Variants in GLIS3 observed in about 807,000 individuals in gnomAD.
GLIS3 encodes zinc finger protein GLIS3.
In GLIS3, 53 loss-of-function variants were observed where a neutral mutation model predicts 78.6. That is an observed-to-expected ratio of 0.67 (90% CI 0.54 to 0.85). The LOEUF (loss-of-function observed/expected upper bound fraction) is 0.85, where lower values mean the gene tolerates loss of function less well. GLIS3 is among the 40% of genes least tolerant of loss of function. The probability of loss-of-function intolerance (pLI) is 0.00; values close to 1 mark genes in which losing one functional copy is unlikely to be tolerated. For missense variants in GLIS3, 1,703 were observed against 1,231.1 expected (o/e 1.38, Z -5.74); for synonymous variants, 684 against 509.9 (o/e 1.34, Z -4.60).
chr9:4,192,994 T>C (rs1329752542), intron 2 of GLIS3, among the ~76,000 whole-genome samples: 1 of 152,228 alleles, frequency 6.6e-6, no homozygotes, highest in Non-Finnish European at 1.5e-5. Flanking sequence ...CAAGCTATGA[T>C]GCTGGACCTG....
chr9:3,998,070 A>G (rs893903343), intron 4 of GLIS3, among the ~76,000 whole-genome samples: 5 of 152,258 alleles, frequency 3.3e-5, no homozygotes, highest in East Asian at 3.9e-4. Flanking sequence ...ATTGCCTTAC[A>G]TGACTGTGGA....
At chr9:4,045,413 G>T (rs1205209734) in intron 4 of GLIS3, among the ~76,000 whole-genome samples, 1 of 151,932 alleles carries the variant, frequency 6.6e-6, no homozygotes, top group Non-Finnish European at 1.5e-5. Flanking sequence ...TCGGCTCACT[G>T]CATCCTCCAC....
At chr9:4,433,170 G>A in the GLIS3 span, among the ~76,000 whole-genome samples, 195 of 152,286 alleles carry the variant, frequency 1.3e-3, no homozygotes, top group African/African-American at 4.3e-3. Context: ...TATGGCCCAC[G>A]CCTGTAATCC....
chr9:4,209,037 T>C (rs1479916191), intron 2 of GLIS3, among the ~76,000 whole-genome samples: 3 of 152,222 alleles, frequency 2.0e-5, no homozygotes, highest in Non-Finnish European at 4.4e-5. Flanking sequence ...ATGCTACTGC[T>C]CATGCCAGGT....
At chr9:4,045,253 C>A (rs1003262775) in intron 4 of GLIS3, among the ~76,000 whole-genome samples, 1 of 152,124 alleles carries the variant, frequency 6.6e-6, no homozygotes, top group African/African-American at 2.4e-5. Context: ...ATGAAGGAAA[C>A]TGATGTACAC....
the GLIS3 span, among the ~76,000 whole-genome samples, chr9:4,454,810 G>T: frequency 6.6e-6 from 1 of 152,104 alleles, no homozygotes; most frequent in African/African-American, 2.4e-5. Flanking sequence ...TATAGTTGGA[G>T]GTGATACATT....
At chr9:4,143,821 G>C (rs10117493) in intron 2 of GLIS3, among the ~76,000 whole-genome samples, 5 of 152,042 alleles carry the variant, frequency 3.3e-5, no homozygotes, top group Admixed American at 6.5e-5. Context: ...AGATCAGCCA[G>C]TATTTGTCTT....
At chr9:3,856,478 T>C (rs901697544) in intron 8 of GLIS3, among the ~76,000 whole-genome samples, 30 of 152,196 alleles carry the variant, frequency 2.0e-4, no homozygotes, top group Admixed American at 6.5e-5. Context: ...TACACTATGT[T>C]TGGTGAAATT....
chr9:4,084,594 G>A (rs1196201679), intron 4 of GLIS3, among the ~76,000 whole-genome samples: 2 of 152,094 alleles, frequency 1.3e-5, no homozygotes, highest in Non-Finnish European at 2.9e-5. Flanking sequence ...AAAAAAGGCT[G>A]AGCAGCCGAA....
intron 2 of GLIS3, among the ~76,000 whole-genome samples, chr9:4,175,779 T>G (rs1241975919): frequency 6.6e-6 from 1 of 152,240 alleles, no homozygotes; most frequent in African/African-American, 2.4e-5. Flanking sequence ...TGAATACTCC[T>G]TTTACATCAA....
At chr9:4,459,108 T>C in the GLIS3 span, among the ~76,000 whole-genome samples, 1 of 152,100 alleles carries the variant, frequency 6.6e-6, no homozygotes, top group Non-Finnish European at 1.5e-5. Flanking sequence ...CTGGCTGCCA[T>C]GTGTAGGGGG....
At chr9:4,378,450 C>A in the GLIS3 span, among the ~76,000 whole-genome samples, 2 of 151,996 alleles carry the variant, frequency 1.3e-5, no homozygotes, top group African/African-American at 4.8e-5. Context: ...CCCTCTCAGT[C>A]CAGCTTTTCC....
Position 3,946,040 on chromosome 9 carries a change from C to T in GLIS3, c.1711-8851G>A, listed in dbSNP as rs34657637. ...CCTCTCACCTTTGCATATACTACTT[C>T]CTGTGCCTGGTAACATCCTACTGAC... On this transcript the variant is annotated intron_variant, in intron 4 of 10. Coordinates refer to ENST00000381971, the MANE Select transcript of GLIS3 (RefSeq NM_001042413.2). 2.4e-3 allele frequency among the ~76,000 whole-genome samples: 368 copies of T among 152,316 alleles called. 3 individuals are homozygous for T. The highest frequency in any genetic ancestry group is 4.4e-3 in the Non-Finnish European group (300 of 68,034).
chr9:4,148,037 G>C (rs1249582538), intron 2 of GLIS3, among the ~76,000 whole-genome samples: 2 of 151,972 alleles, frequency 1.3e-5, no homozygotes, highest in African/African-American at 4.8e-5. Context: ...GAAGTGAGGT[G>C]GTTACCACTG....
At chr9:4,408,453 G>A in the GLIS3 span, among the ~76,000 whole-genome samples, 28 of 151,660 alleles carry the variant, frequency 1.8e-4, no homozygotes, top group African/African-American at 4.8e-4. Context: ...AAATAGGCCG[G>A]GCACCTTGGC....
intron 2 of GLIS3, among the ~76,000 whole-genome samples, chr9:4,159,733 AG>A (rs1216902071): frequency 2.6e-5 from 4 of 151,384 alleles, no homozygotes; most frequent in Non-Finnish European, 5.9e-5. Flanking sequence ...GAAAAAAAAA[AG>A]AAAGAAAAGA....
chr9:3,973,594 T>C (rs1187761290), intron 4 of GLIS3, among the ~76,000 whole-genome samples: 1 of 152,228 alleles, frequency 6.6e-6, no homozygotes, highest in African/African-American at 2.4e-5. Context: ...CTGTTATTAC[T>C]AATCGTGCTA....
the GLIS3 span, among the ~76,000 whole-genome samples, chr9:4,437,034 G>A: frequency 6.6e-6 from 1 of 152,098 alleles, no homozygotes; most frequent in African/African-American, 2.4e-5. Context: ...TTGAGCTGGA[G>A]AAGAGGAAGA....
the GLIS3 span, among the ~76,000 whole-genome samples, chr9:4,464,134 GT>G: frequency 1.3e-5 from 2 of 151,638 alleles, no homozygotes; most frequent in African/African-American, 2.4e-5. Flanking sequence ...TCTGTGTCAG[GT>G]TTTTTTTATT....
Sources: gnomAD v4.1 joint callset for allele counts (sites outside exome capture counted in the v4.1 genomes callset) on GRCh38, gnomAD v4.1.1 for gene constraint, MANE v1.5 for transcripts, NCBI Gene and HGNC (gene_info 2026-07-23, HGNC 2026-07-21) for gene names.